The following SPTY2D1 variants were observed in gnomAD, a reference collection of about 807,000 sequenced individuals.
The protein encoded by SPTY2D1 is protein SPT2 homolog.
SPTY2D1 carries 21 observed loss-of-function variants against 64.0 expected under a neutral mutation model. The observed-to-expected ratio is 0.33, with a 90% CI of 0.23 to 0.47. The LOEUF (loss-of-function observed/expected upper bound fraction) is 0.47. Ranked by LOEUF, SPTY2D1 falls within the 20% of genes least tolerant of loss-of-function variation. The pLI, the probability that SPTY2D1 is intolerant of heterozygous loss-of-function variation, is 1.00. For missense variants in SPTY2D1, 724 were observed against 837.2 expected (o/e 0.86, Z 1.67); for synonymous variants, 287 against 286.8 (o/e 1.00, Z -0.01).
intron 4 of SPTY2D1, among the ~76,000 whole-genome samples, 194 bp from the exon 5 acceptor site, chr11:18,611,748 G>A (rs1219970013): frequency 6.6e-6 from 1 of 152,132 alleles, no homozygotes; most frequent in African/African-American, 2.4e-5. Context: ...TTTTAGATAA[G>A]CCCTTATTAC....
At position 18,609,916 on chromosome 11, in the gene SPTY2D1, C is replaced by T; in HGVS notation, c.2003G>A (p.Arg668Lys). ...ACGTTGCATTTCTTCTTCTTCACGT[C>T]TCATTTCCTCTAAGTCCTCTTGCAT... ...LGMQEDLEEM[R>K]REEEEMQRRR... The change falls in exon 6 of 6, where the codon AGA becomes AAA. Residue 668 changes from arginine to lysine, a missense_variant. By Grantham distance (26) the Arg-to-Lys change is conservative (BLOSUM62 2). Transcript: ENST00000336349. The T allele has an allele frequency of 6.2e-7, 1 of 1,614,208 alleles. No individual in the cohort carries two copies. Among genetic ancestry groups the T allele is most frequent in the Non-Finnish European group, 8.5e-7 (1 of 1,180,036 alleles).
Position 18,615,148 on chromosome 11 carries a change from T to A in SPTY2D1, c.1126A>T (p.Ser376Cys), listed in dbSNP as rs1040131949. 1 of 1,614,214 alleles carries A rather than the reference T, an allele frequency of 6.2e-7. No individual in the cohort carries two copies. Among genetic ancestry groups the A allele is most frequent in the Non-Finnish European group, 8.5e-7 (1 of 1,180,028 alleles). ...GTGCTGGGCTGCCCAGGGGCTGAGC[T>A]AGAGCTGCTGCCTGGCTGCCTGACA... ...PGVRQPGSSS[S>C]SAPGQPSTGV... Residue 376 changes from serine (S) to cysteine (C), a missense_variant, in exon 3 of 6, where the codon AGC becomes TGC. Physicochemically the swap from Ser to Cys is moderately radical, Grantham distance 112. This residue lies in a region of SPTY2D1 where 426 missense variants were observed against 431.8 expected (regional missense o/e 0.99). Coordinates refer to ENST00000336349, the MANE Select transcript of SPTY2D1 (RefSeq NM_194285.3).
chr11:18,627,027 G>A (rs76855905), intron 1 of SPTY2D1, among the ~76,000 whole-genome samples: 3,618 of 152,248 alleles, frequency 0.024, 151 homozygotes, highest in African/African-American at 0.084. Flanking sequence ...TTTGGAGACA[G>A]AGTCTTGGAG....
At chr11:18,611,654 A>C in intron 4 of SPTY2D1, 100 bp from the exon 5 acceptor site, 1 of 936,786 alleles carries the variant, frequency 1.1e-6, no homozygotes, top group Non-Finnish European at 1.7e-6. Context: ...TTAAAACTAA[A>C]TCAAGCACAC....
chr11:18,609,582 T>TTAGAGTGCATAGC lies in SPTY2D1; in HGVS notation c.*266_*278dup. On this transcript the variant is annotated 3_prime_UTR_variant, in exon 6 of 6. Transcript: ENST00000336349. ...TGGCTGACTGGTGAGTGGCCCCACATTAGAGTGCATAGCTCATCAGGATCA... is the reference window on the plus strand; with the variant it reads ...TGGCTGACTGGTGAGTGGCCCCACATTAGAGTGCATAGCTAGAGTGCATAGCTCATCAGGATCA... 2.7e-6 allele frequency: 1 copy of TTAGAGTGCATAGC among 373,002 alleles called. No homozygotes were observed. Among genetic ancestry groups the TTAGAGTGCATAGC allele is most frequent in the East Asian group, 4.7e-5 (1 of 21,138 alleles). The allele number at this position is 373,002 out of a possible 1,614,324, so 23.1% of individuals were successfully genotyped here.
chr11:18,609,723 C>A lies in SPTY2D1; in HGVS notation c.*138G>T. Reference sequence around the variant, plus strand: ...AAATATTTTATGCTCAAATGACAGCCTGCAAATGACAGTATGCATTCCTTC... The same window carrying A: ...AAATATTTTATGCTCAAATGACAGCATGCAAATGACAGTATGCATTCCTTC... On this transcript the variant is annotated 3_prime_UTR_variant, in exon 6 of 6. Coordinates refer to ENST00000336349, the MANE Select transcript of SPTY2D1 (RefSeq NM_194285.3). The A allele has an allele frequency of 1.4e-6, 1 of 692,874 alleles. No homozygotes were observed. The highest frequency in any genetic ancestry group is 2.5e-6 in the Non-Finnish European group (1 of 406,538). The allele number at this position is 692,874 out of a possible 1,614,324, so 42.9% of individuals were successfully genotyped here.
At chr11:18,625,114 C>A (rs905485066) in intron 1 of SPTY2D1, among the ~76,000 whole-genome samples, 2 of 152,082 alleles carry the variant, frequency 1.3e-5, no homozygotes, top group African/African-American at 4.8e-5. Flanking sequence ...AGATTTATAA[C>A]TGGTTAGAAT....
In SPTY2D1 at chr11:18,614,544, G is replaced by C. The variant is rs754801610; in HGVS notation, c.1711+19C>G. On this transcript the variant is annotated intron_variant, in intron 3 of 5. Coordinates refer to ENST00000336349, the MANE Select transcript of SPTY2D1 (RefSeq NM_194285.3). ...CCTAATGACAAATATATACTCTTTC[G>C]GGTGAGGGGAAATTTTACCTTGGGC... 1.3e-6 allele frequency: 2 copies of C among 1,585,442 alleles called. No individual in the cohort carries two copies. The highest frequency in any genetic ancestry group is 1.7e-6 in the Non-Finnish European group (2 of 1,164,182).
chr11:18,628,721 A>C (rs928729836), intron 1 of SPTY2D1, among the ~76,000 whole-genome samples: 54 of 152,224 alleles, frequency 3.5e-4, no homozygotes, highest in African/African-American at 1.3e-3. Flanking sequence ...CTCGTTATTA[A>C]GGTTAACAGA....
chr11:18,622,434 G>A (rs1854426879), intron 1 of SPTY2D1, among the ~76,000 whole-genome samples: 1 of 152,196 alleles, frequency 6.6e-6, no homozygotes, highest in Middle Eastern at 3.4e-3. Context: ...AGCTGATGTG[G>A]GAGGATGGCT....
Position 18,627,740 on chromosome 11 carries a change from A to G in SPTY2D1, c.60+6458T>C, listed in dbSNP as rs932062061. On this transcript the variant is annotated intron_variant, in intron 1 of 5. Coordinates refer to ENST00000336349, the MANE Select transcript of SPTY2D1 (RefSeq NM_194285.3). ...AAAAATACAAAAAAAGTAGCCAGGC[A>G]TGGTGGCGGATGCCTATAGTCCCAG... is the stretch of plus-strand genomic sequence containing the variant. Among the ~76,000 whole-genome samples, 7 of 152,146 alleles carry G rather than the reference A, an allele frequency of 4.6e-5. No individual in the cohort carries two copies. The East Asian group carries it at 7.8e-4, about 17-fold the overall frequency.
At chr11:18,613,953 T>C (rs1183739114) in intron 3 of SPTY2D1, among the ~76,000 whole-genome samples, 1 of 152,162 alleles carries the variant, frequency 6.6e-6, no homozygotes, top group African/African-American at 2.4e-5. Context: ...ACAGGTCTCT[T>C]TAGTCCTCAG....
At chr11:18,611,371 G>T in intron 5 of SPTY2D1, 106 bp downstream of exon 5, 1 of 1,011,758 alleles carries the variant, frequency 9.9e-7, no homozygotes, top group South Asian at 1.3e-5. Context: ...TTGGAATCCA[G>T]AATTCTCTGG....
At chr11:18,613,059 G>A (rs988283337) in intron 3 of SPTY2D1, among the ~76,000 whole-genome samples, 4 of 152,218 alleles carry the variant, frequency 2.6e-5, no homozygotes, top group East Asian at 1.9e-4. Context: ...CACCGCGCCC[G>A]GCCAAAATCA....
Position 18,634,296 on chromosome 11 carries a change from A to T in SPTY2D1, c.-39T>A. 6.2e-7 allele frequency: 1 copy of T among 1,611,092 alleles called. No individual in the cohort carries two copies. The highest frequency in any genetic ancestry group is 8.5e-7 in the Non-Finnish European group (1 of 1,177,700). ...GGGAGAGACTGGGCCAGGCACTCGG[A>T]AAGGACTGACAGCGCACCTAACCGA... On this transcript the variant is annotated 5_prime_UTR_variant, in exon 1 of 6. Coordinates refer to ENST00000336349, the MANE Select transcript of SPTY2D1 (RefSeq NM_194285.3).
In SPTY2D1 at chr11:18,615,159, C is replaced by G. The variant is rs757671643; in HGVS notation, c.1115G>C (p.Gly372Ala). ...KAKSPGVRQP[G>A]SSSSSAPGQP... is the part of the protein sequence containing the mutation. ...CCCAGGGGCTGAGCTAGAGCTGCTG[C>G]CTGGCTGCCTGACACCTGGACTCTT... Residue 372 changes from glycine to alanine, a missense_variant, in exon 3 of 6, where the codon GGC becomes GCC. Gly to Ala is a moderately conservative substitution (Grantham distance 60). Transcript: ENST00000336349. The G allele has an allele frequency of 1.1e-5, 18 of 1,614,090 alleles. No individual in the cohort carries two copies. The South Asian group carries it at 1.8e-4, about 16-fold the overall frequency.
Position 18,606,529 on chromosome 11 carries a change from AT to A in SPTY2D1, c.*3331del, listed in dbSNP as rs1457123404. The stretch of plus-strand genomic sequence containing the variant: ...AGAAAACAAGCTAAGCTATCTAAAA[AT>A]TTTTTTAACTTGATTTGTCCATTGT... On this transcript the variant is annotated 3_prime_UTR_variant, in exon 6 of 6. Coordinates refer to ENST00000336349, the MANE Select transcript of SPTY2D1 (RefSeq NM_194285.3). 3 of 201,940 alleles carry A rather than the reference AT, an allele frequency of 1.5e-5. No individual in the cohort carries two copies. The highest frequency in any genetic ancestry group is 7.2e-5 in the African/African-American group (3 of 41,798). 12.5% of individuals were successfully genotyped at this position (201,940 alleles called of 1,614,324 possible).
chr11:18,629,239 G>A (rs1245525692), intron 1 of SPTY2D1, among the ~76,000 whole-genome samples: 4 of 152,094 alleles, frequency 2.6e-5, no homozygotes, highest in Non-Finnish European at 4.4e-5. Context: ...GGTGGCTCGC[G>A]CCTGTAATTC....
In SPTY2D1 at chr11:18,607,695, TAA is replaced by T. The variant is rs1854131549; in HGVS notation, c.*2164_*2165del. Reference sequence around the variant, plus strand: ...AGGATTTGGAAACAAGGCCAAAATTTAAAAGACTTAACCTTTTTTTTCTTTTA... The same window carrying T: ...AGGATTTGGAAACAAGGCCAAAATTTAAGACTTAACCTTTTTTTTCTTTTA... On this transcript the variant is annotated 3_prime_UTR_variant, in exon 6 of 6. Coordinates refer to ENST00000336349, the MANE Select transcript of SPTY2D1 (RefSeq NM_194285.3). 1 of 152,330 alleles carries T rather than the reference TAA, an allele frequency of 6.6e-6. No homozygotes were observed. The highest frequency in any genetic ancestry group is 2.4e-5 in the African/African-American group (1 of 41,460). The allele number at this position is 152,330 out of a possible 1,614,324, so 9.4% of individuals were successfully genotyped here.
Sources: gnomAD v4.1 joint callset for allele counts (sites outside exome capture counted in the v4.1 genomes callset) on GRCh38, gnomAD v4.1.1 for gene constraint, gnomAD v4.1.1 regional missense constraint, MANE v1.5 for transcripts, NCBI Gene and HGNC (gene_info 2026-07-23, HGNC 2026-07-21) for gene names.